The following SLBP variants were observed in gnomAD, a reference collection of about 807,000 sequenced individuals.
SLBP encodes the protein histone RNA hairpin-binding protein.
A neutral mutation model predicts 39.2 loss-of-function variants in SLBP; 29 were observed. That is an observed-to-expected ratio of 0.74 (90% CI 0.55 to 1.01). The LOEUF (loss-of-function observed/expected upper bound fraction) is 1.01, where lower values mean the gene tolerates loss of function less well. Among genes scored for constraint, SLBP ranks in the 50% least tolerant of loss-of-function variants. The pLI is 0.00. For missense variants in SLBP, 390 were observed against 350.2 expected (o/e 1.11, Z -0.91); for synonymous variants, 129 against 118.7 (o/e 1.09, Z -0.57).
At chr4:1,696,971 A>G (rs1300826929) in intron 5 of SLBP, among the ~76,000 whole-genome samples, 2 of 151,758 alleles carry the variant, frequency 1.3e-5, no homozygotes, top group Non-Finnish European at 1.5e-5. Context: ...AGGCTGGCCA[A>G]CATGATGAAA....
rs1458867728 is a variant in SLBP, at chr4:1,711,109, G to A, written c.176+765C>T. Reference sequence around the variant, plus strand: ...AAGGTAGTTTCTTGCATGATTCCGCGCTCAGCATAATTTTTTCCTTTTGGC... The same window carrying A: ...AAGGTAGTTTCTTGCATGATTCCGCACTCAGCATAATTTTTTCCTTTTGGC... On this transcript the variant is annotated intron_variant, in intron 2 of 7. Transcript: ENST00000489418. Among the ~76,000 whole-genome samples, 6 of 147,972 alleles carry A rather than the reference G, an allele frequency of 4.1e-5. No homozygotes were observed. The East Asian group carries it at 5.9e-4, about 15-fold the overall frequency.
chr4:1,704,623 C>T (rs1378394445), intron 2 of SLBP, among the ~76,000 whole-genome samples: 1 of 152,164 alleles, frequency 6.6e-6, no homozygotes, highest in Non-Finnish European at 1.5e-5. Flanking sequence ...TACTCACTTC[C>T]AGCAACCTCG....
chr4:1,710,293 T>A (rs1716700600), intron 2 of SLBP, among the ~76,000 whole-genome samples: 1 of 152,204 alleles, frequency 6.6e-6, no homozygotes, highest in Non-Finnish European at 1.5e-5. Context: ...CTCCTTTGCT[T>A]CTCTAAGCAG....
At chr4:1,698,918 T>G (rs1716224415) in intron 5 of SLBP, among the ~76,000 whole-genome samples, 1 of 152,096 alleles carries the variant, frequency 6.6e-6, no homozygotes, top group African/African-American at 2.4e-5. Flanking sequence ...GTCTCCCAAG[T>G]AGCTGGGACT....
intron 5 of SLBP, among the ~76,000 whole-genome samples, chr4:1,698,328 C>T (rs1246592331): frequency 1.3e-5 from 2 of 150,570 alleles, no homozygotes; most frequent in South Asian, 2.1e-4. Flanking sequence ...AGCAAGATTC[C>T]GTCTCAAAAA....
intron 2 of SLBP, among the ~76,000 whole-genome samples, chr4:1,704,390 G>C (rs967819528): frequency 1.3e-5 from 2 of 152,154 alleles, no homozygotes; most frequent in African/African-American, 4.8e-5. Flanking sequence ...TTGACTCTAA[G>C]AAGTTCAGAG....
chr4:1,697,083 G>A (rs1037709194), intron 5 of SLBP, among the ~76,000 whole-genome samples: 1 of 148,708 alleles, frequency 6.7e-6, no homozygotes, highest in Admixed American at 6.9e-5. Flanking sequence ...GCTTGAACCT[G>A]GGAGGCGATG....
Position 1,703,604 on chromosome 4 carries a change from T to C in SLBP, c.273A>G (p.Glu91=), listed in dbSNP as rs1174548016. The C allele has an allele frequency of 1.2e-6, 2 of 1,604,050 alleles. No individual in the cohort carries two copies. Among genetic ancestry groups the C allele is most frequent in the Non-Finnish European group, 1.7e-6 (2 of 1,170,814 alleles). Residue 91 remains glutamate, a synonymous_variant, in exon 3 of 8, where the codon GAA becomes GAG. Coordinates refer to ENST00000489418, the MANE Select transcript of SLBP (RefSeq NM_006527.4). The part of the protein sequence containing the change: ...EDEMRTRVNK[E]MARYKRKLLI... ...TGGTCCAAAATGTGTACCTTGCCAT[T>C]TCTTTGTTAACTCTGGTCCTCATTT...
chr4:1,704,839 T>C (rs1716459468), intron 2 of SLBP, among the ~76,000 whole-genome samples: 1 of 152,130 alleles, frequency 6.6e-6, no homozygotes, highest in African/African-American at 2.4e-5. Flanking sequence ...ACCTCCAGGG[T>C]AAGAATTTTC....
At chr4:1,707,345 A>G (rs1369852368) in intron 2 of SLBP, among the ~76,000 whole-genome samples, 2 of 147,566 alleles carry the variant, frequency 1.4e-5, no homozygotes, top group Non-Finnish European at 3.0e-5. Flanking sequence ...GTCTCTACTA[A>G]AAATACAAAA....
Position 1,693,369 on chromosome 4 carries a change from GT to G in SLBP, c.*227del, listed in dbSNP as rs1715988002. ...TAAGCTCGCTGGAAGAGAGCTTCAA[GT>G]ACTTTCTTGGACTTAGCTCCATTTA... On this transcript the variant is annotated 3_prime_UTR_variant, in exon 8 of 8. Coordinates refer to ENST00000489418, the MANE Select transcript of SLBP (RefSeq NM_006527.4). 2 of 439,288 alleles carry G rather than the reference GT, an allele frequency of 4.6e-6. No individual in the cohort carries two copies. Among genetic ancestry groups the G allele is most frequent in the Non-Finnish European group, 8.3e-6 (2 of 241,468 alleles). 27.2% of individuals were successfully genotyped at this position (439,288 alleles called of 1,614,324 possible). A position where few individuals can be genotyped will look rare whatever the true frequency, so the allele number is the denominator to read the frequency against.
Position 1,710,040 on chromosome 4 carries a change from G to A in SLBP, c.176+1834C>T, listed in dbSNP as rs573179866. Reference sequence around the variant, plus strand: ...CTTAACCTGTCTCTTCTCATTCCGGGTAAGTGTCGAGGCTGGTCCCCAACA... The same window carrying A: ...CTTAACCTGTCTCTTCTCATTCCGGATAAGTGTCGAGGCTGGTCCCCAACA... On this transcript the variant is annotated intron_variant, in intron 2 of 7. Coordinates refer to ENST00000489418, the MANE Select transcript of SLBP (RefSeq NM_006527.4). Among the ~76,000 whole-genome samples the A allele has an allele frequency of 1.4e-4, 22 of 152,240 alleles. No homozygotes were observed. In the East Asian group the frequency reaches 3.9e-3, roughly 27 times the overall value.
chr4:1,696,028 C>T (rs957822742), intron 6 of SLBP, among the ~76,000 whole-genome samples, 174 bp downstream of exon 6: 1 of 152,158 alleles, frequency 6.6e-6, no homozygotes, highest in Non-Finnish European at 1.5e-5. Context: ...ACTCTTCCTT[C>T]CAGCTGCCTC....
In SLBP at chr4:1,699,708, AAAC is replaced by A. The variant is rs755005259; in HGVS notation, c.342-10_342-8del. ...AGACTCCTTTGAATCAGAACTGAAA[AAAC>A]AACAGATTAACAGAATAAGCCCTGC... On this transcript the variant is annotated splice_polypyrimidine_tract_variant and splice_region_variant and intron_variant, in intron 4 of 7. Coordinates refer to ENST00000489418, the MANE Select transcript of SLBP (RefSeq NM_006527.4). 6.2e-7 allele frequency: 1 copy of A among 1,613,316 alleles called. No individual in the cohort carries two copies. Among genetic ancestry groups the A allele is most frequent in the South Asian group, 1.1e-5 (1 of 91,078 alleles).
chr4:1,709,937 T>C (rs767989424), intron 2 of SLBP, among the ~76,000 whole-genome samples: 1 of 150,846 alleles, frequency 6.6e-6, no homozygotes, highest in African/African-American at 2.4e-5. Context: ...ACTCAATAAA[T>C]AGTGTGGAGA....
At chr4:1,700,512 G>A (rs904478965) in intron 3 of SLBP, among the ~76,000 whole-genome samples, 3 of 150,748 alleles carry the variant, frequency 2.0e-5, no homozygotes, top group African/African-American at 7.3e-5. Flanking sequence ...GGAGTCTAGC[G>A]CAATCTGACG....
intron 5 of SLBP, among the ~76,000 whole-genome samples, chr4:1,696,620 G>A (rs1716114339): frequency 6.6e-6 from 1 of 152,036 alleles, no homozygotes; most frequent in African/African-American, 2.4e-5. Context: ...GCTAGGGGCT[G>A]GGAGCGGTGG....
chr4:1,700,992 G>A (rs559445415), intron 3 of SLBP, among the ~76,000 whole-genome samples: 3 of 152,136 alleles, frequency 2.0e-5, no homozygotes, highest in South Asian at 4.2e-4. Context: ...TTTATCTCCC[G>A]TGCATCTAGA....
chr4:1,704,376 G>A (rs1009703246), intron 2 of SLBP, among the ~76,000 whole-genome samples: 1 of 152,184 alleles, frequency 6.6e-6, no homozygotes, highest in Non-Finnish European at 1.5e-5. Flanking sequence ...TGGAGCTTAT[G>A]AAGTTGACTC....
Sources: allele counts gnomAD v4.1 joint callset (sites outside exome capture counted in the v4.1 genomes callset), GRCh38; gene constraint gnomAD v4.1.1; transcripts MANE v1.5; gene names NCBI Gene and HGNC (gene_info 2026-07-23, HGNC 2026-07-21).